The following GPHN variants were observed in gnomAD, a reference collection of about 807,000 sequenced individuals.
GPHN encodes gephyrin.
GPHN carries 17 observed loss-of-function variants against 95.5 expected under a neutral mutation model. The observed-to-expected ratio is 0.18, with a 90% confidence interval of 0.12 to 0.27. The LOEUF is 0.27. GPHN is among the 10% of genes least tolerant of loss of function. The pLI is 1.00. For missense variants in GPHN, 660 were observed against 978.1 expected, an observed-to-expected ratio of 0.67 and a Z score of 4.34; for synonymous variants, 320 against 322.5, an observed-to-expected ratio of 0.99 and a Z score of 0.08.
chr14:67,186,317 G>C (rs994974591), downstream of GPHN, among the ~76,000 whole-genome samples: 2 of 152,174 alleles, frequency 1.3e-5, no homozygotes, highest in Non-Finnish European at 2.9e-5. Flanking sequence ...CAGTGACTGG[G>C]TGGAGGCCTA....
chr14:66,597,067 A>G (rs991517151), intron 1 of GPHN, among the ~76,000 whole-genome samples: 2 of 152,092 alleles, frequency 1.3e-5, no homozygotes, highest in African/African-American at 4.8e-5. Context: ...GTTTATGGGG[A>G]AAATGGCAGT....
In GPHN at chr14:66,988,255, A is replaced by C. The variant is rs760651054; in HGVS notation, c.963+22930A>C. Among the ~76,000 whole-genome samples, 5 of 152,080 alleles carry C rather than the reference A, an allele frequency of 3.3e-5. No individual in the cohort carries two copies. The South Asian group carries it at 1.0e-3, about 31-fold the overall frequency. On this transcript the variant is annotated intron_variant, in intron 9 of 22. Transcript: ENST00000478722. The stretch of plus-strand genomic sequence containing the variant: ...TAATAATATTTTGGCCCCAGTGCAA[A>C]ATAAAATCTTTCTTTTCAAAAATCA...
chr14:67,621,349 C>T, the GPHN span, among the ~76,000 whole-genome samples: 1 of 152,114 alleles, frequency 6.6e-6, no homozygotes, highest in Non-Finnish European at 1.5e-5. Flanking sequence ...CAAATTATTT[C>T]CTCTCTAGGG....
intron 1 of GPHN, among the ~76,000 whole-genome samples, chr14:66,565,950 A>C (rs2060444636): frequency 6.9e-6 from 1 of 144,450 alleles, no homozygotes; most frequent in Admixed American, 7.0e-5. Context: ...GAGCAAAACC[A>C]AAAGTAAAAA....
intron 4 of GPHN, among the ~76,000 whole-genome samples, chr14:66,826,208 T>C (rs2061379887): frequency 6.6e-6 from 1 of 152,204 alleles, no homozygotes; most frequent in African/African-American, 2.4e-5. Context: ...ACAAAATGTT[T>C]TGTATCCTAC....
chr14:67,587,062 ACCT>A, the GPHN span: 1 of 1,579,110 alleles, frequency 6.3e-7, no homozygotes. Context: ...CACATCTCTG[ACCT>A]CCTCTTAGAT....
chr14:67,045,691 G>GTCTCTCTCTGTCTCTGTCTC (rs2074979199), intron 10 of GPHN, among the ~76,000 whole-genome samples: 1 of 144,778 alleles, frequency 6.9e-6, no homozygotes, highest in African/African-American at 2.6e-5. Context: ...TGGTCTCAGT[G>GTCTCTCTCTGTCTCTGTCTC]TCTCTCTCTG....
chr14:66,691,396 G>T (rs576085946), intron 2 of GPHN, among the ~76,000 whole-genome samples: 1 of 152,006 alleles, frequency 6.6e-6, no homozygotes, highest in South Asian at 2.1e-4. Context: ...TGATGGCCAG[G>T]ATGGTCTCGA....
chr14:66,785,756 T>C (rs1221609206), intron 3 of GPHN, among the ~76,000 whole-genome samples: 2 of 132,712 alleles, frequency 1.5e-5, no homozygotes, highest in Admixed American at 7.3e-5. Context: ...CAGAAAAATA[T>C]CAGGAAAAGC....
the GPHN span, among the ~76,000 whole-genome samples, chr14:67,244,200 G>A: frequency 1.3e-5 from 2 of 152,254 alleles, no homozygotes; most frequent in African/African-American, 4.8e-5. Context: ...AATGTTTAAT[G>A]AATATCTTTG....
intron 5 of GPHN, among the ~76,000 whole-genome samples, chr14:66,889,310 C>T (rs1292805676): frequency 2.0e-5 from 3 of 152,102 alleles, no homozygotes; most frequent in Non-Finnish European, 2.9e-5. Context: ...CTGAAGTACA[C>T]ATGGGACATT....
intron 3 of GPHN, among the ~76,000 whole-genome samples, chr14:66,798,795 T>G (rs1192890463): frequency 2.0e-5 from 3 of 151,908 alleles, no homozygotes; most frequent in Admixed American, 1.3e-4. Flanking sequence ...TTTGATTTTT[T>G]TTTCTTCATT....
intron 1 of GPHN, among the ~76,000 whole-genome samples, chr14:66,529,904 A>G (rs150877168): frequency 0.012 from 1,839 of 151,908 alleles, 20 homozygotes; most frequent in Non-Finnish European, 0.018. Flanking sequence ...GTGTCTGTCG[A>G]CCCCTGCTGG....
intron 2 of GPHN, among the ~76,000 whole-genome samples, chr14:66,768,453 CAG>C (rs1438298689): frequency 6.6e-6 from 1 of 151,914 alleles, no homozygotes; most frequent in Non-Finnish European, 1.5e-5. Context: ...TTTTGGAACA[CAG>C]AAATGAATAG....
At chr14:67,067,675 C>T (rs1638533868) in intron 11 of GPHN, among the ~76,000 whole-genome samples, 1 of 152,170 alleles carries the variant, frequency 6.6e-6, no homozygotes, top group African/African-American at 2.4e-5. Context: ...TGCCCCTCCC[C>T]CCGCCAGGCT....
intron 6 of GPHN, among the ~76,000 whole-genome samples, chr14:66,920,833 G>T (rs1318108685): frequency 6.6e-6 from 1 of 152,036 alleles, no homozygotes; most frequent in Admixed American, 6.6e-5. Flanking sequence ...CCACATATCA[G>T]TGAAAACATA....
the GPHN span, chr14:67,242,000 A>G: frequency 1.9e-3 from 291 of 152,278 alleles, no homozygotes; most frequent in African/African-American, 6.3e-3. Flanking sequence ...TCTGCTGCTC[A>G]TTGCGTTCTT....
chr14:66,514,934 T>C (rs2058181514), intron 1 of GPHN, among the ~76,000 whole-genome samples: 1 of 152,162 alleles, frequency 6.6e-6, no homozygotes, highest in Non-Finnish European at 1.5e-5. Context: ...AGACTTGGAC[T>C]TCAGACCCTC....
chr14:66,690,664 G>T (rs2067707390), intron 2 of GPHN, among the ~76,000 whole-genome samples: 1 of 152,108 alleles, frequency 6.6e-6, no homozygotes, highest in Non-Finnish European at 1.5e-5. Context: ...AACAATATTT[G>T]CTTCATATAT....
Sources: gnomAD v4.1 joint callset for allele counts (sites outside exome capture counted in the v4.1 genomes callset) on GRCh38, gnomAD v4.1.1 for gene constraint, MANE v1.5 for transcripts, NCBI Gene and HGNC (gene_info 2026-07-23, HGNC 2026-07-21) for gene names.